The following RAB27A variants were observed in gnomAD, a reference collection of about 807,000 sequenced individuals.
RAB27A encodes the protein RAB27A, member RAS oncogene family, also known as ras-related protein Rab-27A.
Under a neutral mutation model 20.8 loss-of-function variants are expected in RAB27A, and 17 were observed. The observed-to-expected ratio is 0.82, with a 90% CI of 0.56 to 1.23. The LOEUF is 1.23. Among genes scored for constraint, RAB27A ranks in the 50% most tolerant of loss-of-function variants. The pLI is 0.00. For missense variants in RAB27A, 277 were observed against 266.7 expected, an observed-to-expected ratio of 1.04 and a Z score of -0.27; for synonymous variants, 85 against 92.8, an observed-to-expected ratio of 0.92 and a Z score of 0.48.
upstream of RAB27A, among the ~76,000 whole-genome samples, chr15:55,292,673 T>C (rs560417078): frequency 1.3e-5 from 2 of 152,272 alleles, no homozygotes; most frequent in South Asian, 2.1e-4. Context: ...AAATAGGCCA[T>C]AGTGATGAGT....
intron 2 of RAB27A, among the ~76,000 whole-genome samples, chr15:55,303,033 T>G (rs1329116698): frequency 1.3e-4 from 14 of 106,346 alleles, no homozygotes; most frequent in Admixed American, 4.7e-4. Context: ...GGGAGGGAGG[T>G]GGGGGATCAG....
rs71297648 is a variant in RAB27A, at chr15:55,280,503, T to TTATATATATA, written c.-143+9203_-143+9212dup. On this transcript the variant is annotated intron_variant, in intron 1 of 6. Coordinates refer to ENST00000336787, the MANE Select transcript of RAB27A (RefSeq NM_183235.3). ...TGTTGTTGTTTCTTGTGGGTATGGTTTATATATATATATATATATATATAC... is the reference window on the plus strand; with the variant it reads ...TGTTGTTGTTTCTTGTGGGTATGGTTTATATATATATATATATATATATATATATATATAC... Among the ~76,000 whole-genome samples, 585 of 137,920 alleles carry TTATATATATA rather than the reference T, an allele frequency of 4.2e-3. 4 individuals carry two copies. Among genetic ancestry groups the TTATATATATA allele is most frequent in the Middle Eastern group, 0.011 (3 of 274 alleles). The allele number at this position is 137,920 out of a possible 152,430, so 90.5% of individuals were successfully genotyped here.
chr15:55,261,323 G>C (rs1251819622), intron 2 of RAB27A, among the ~76,000 whole-genome samples: 4 of 151,902 alleles, frequency 2.6e-5, no homozygotes, highest in African/African-American at 9.7e-5. Flanking sequence ...CTGGAACCCG[G>C]GCAGCAGAGG....
intron 2 of RAB27A, among the ~76,000 whole-genome samples, chr15:55,249,589 G>C (rs1896813819): frequency 6.6e-6 from 1 of 152,136 alleles, no homozygotes. Flanking sequence ...GCTGAATTAA[G>C]TTTTATAAAT....
intron 2 of RAB27A, among the ~76,000 whole-genome samples, chr15:55,237,764 T>C (rs972961953): frequency 2.6e-5 from 4 of 152,162 alleles, no homozygotes; most frequent in Non-Finnish European, 4.4e-5. Context: ...GTGAGAATGA[T>C]GCAAGAAGAC....
Position 55,264,477 on chromosome 15 carries a change from G to C in RAB27A, c.-23+5688C>G, listed in dbSNP as rs1897389887. ...TTAACAGAAATTTTAAGCTGTTTTAGAGAAAAATAAACTTGGCTCAAATGA... is the reference window on the plus strand; with the variant it reads ...TTAACAGAAATTTTAAGCTGTTTTACAGAAAAATAAACTTGGCTCAAATGA... On this transcript the variant is annotated intron_variant, in intron 2 of 6. Transcript: ENST00000336787. 7.2e-5 allele frequency among the ~76,000 whole-genome samples: 11 copies of C among 152,082 alleles called. 1 individual carries two copies. The South Asian group carries it at 2.3e-3, about 31-fold the overall frequency.
At chr15:55,309,037 C>T (rs2055009398) in intron 2 of RAB27A, among the ~76,000 whole-genome samples, 3 of 152,278 alleles carry the variant, frequency 2.0e-5, no homozygotes, top group Admixed American at 1.3e-4. Flanking sequence ...CTTGCCCCAT[C>T]GGCAAGCTTA....
In RAB27A at chr15:55,285,363, T is replaced by C. The variant is rs550293075; in HGVS notation, c.-143+4353A>G. On this transcript the variant is annotated intron_variant, in intron 1 of 6. Transcript: ENST00000336787. Reference sequence around the variant, plus strand: ...GGAACAAAACTTTCAGCATTCCTCGTAAGAGAGGCATCTAATTTTACTTGA... The same window carrying C: ...GGAACAAAACTTTCAGCATTCCTCGCAAGAGAGGCATCTAATTTTACTTGA... Among the ~76,000 whole-genome samples, 313 of 149,352 alleles carry C rather than the reference T, an allele frequency of 2.1e-3. 3 individuals are homozygous for C. Among genetic ancestry groups the C allele is most frequent in the African/African-American group, 7.3e-3 (297 of 40,766 alleles).
intron 2 of RAB27A, among the ~76,000 whole-genome samples, chr15:55,313,139 A>G (rs1263637794): frequency 1.3e-5 from 2 of 152,214 alleles, no homozygotes; most frequent in African/African-American, 4.8e-5. Flanking sequence ...AATCTTGCCA[A>G]GCACAGTGGC....
intron 2 of RAB27A, among the ~76,000 whole-genome samples, chr15:55,297,276 G>C (rs78525288): frequency 0.031 from 4,676 of 152,310 alleles, 82 homozygotes; most frequent in Non-Finnish European, 0.041. Context: ...AAAGAAATAC[G>C]TGCATGTGTG....
At chr15:55,304,228 G>A (rs2054988020) in intron 2 of RAB27A, among the ~76,000 whole-genome samples, 3 of 151,332 alleles carry the variant, frequency 2.0e-5, no homozygotes, top group South Asian at 4.2e-4. Flanking sequence ...TAAGGGCGGT[G>A]CAAGATGTGC....
chr15:55,257,722 G>C (rs1371669581), intron 2 of RAB27A, among the ~76,000 whole-genome samples: 1 of 152,210 alleles, frequency 6.6e-6, no homozygotes, highest in African/African-American at 2.4e-5. Context: ...GCTGGGCATG[G>C]TGGCTCACGC....
At chr15:55,305,087 CTGAT>C (rs1566941006) in intron 2 of RAB27A, among the ~76,000 whole-genome samples, 1 of 152,094 alleles carries the variant, frequency 6.6e-6, no homozygotes, top group Non-Finnish European at 1.5e-5. Context: ...TCTTTACTAC[CTGAT>C]TGGTCAGGTG....
chr15:55,290,910 T>A (rs1392643574), upstream of RAB27A, among the ~76,000 whole-genome samples: 1 of 152,254 alleles, frequency 6.6e-6, no homozygotes, highest in Non-Finnish European at 1.5e-5. Flanking sequence ...GACTTGTGTC[T>A]ACCTCCACCG....
intron 2 of RAB27A, among the ~76,000 whole-genome samples, chr15:55,300,122 T>A (rs930563035): frequency 6.6e-6 from 1 of 151,932 alleles, no homozygotes; most frequent in South Asian, 2.1e-4. Flanking sequence ...GCCTGGCCAA[T>A]CCTAATTTCT....
At chr15:55,263,416 A>C (rs1290515242) in intron 2 of RAB27A, among the ~76,000 whole-genome samples, 2 of 152,154 alleles carry the variant, frequency 1.3e-5, no homozygotes, top group African/African-American at 4.8e-5. Flanking sequence ...TCACTAGAGG[A>C]AGAATTATAG....
intron 1 of RAB27A, among the ~76,000 whole-genome samples, chr15:55,287,437 G>A (rs2141131760): frequency 1.3e-5 from 2 of 152,286 alleles, no homozygotes; most frequent in South Asian, 4.1e-4. Context: ...AATAGAAATT[G>A]AGAAGCTGAC....
At chr15:55,263,648 C>T (rs1198439701) in intron 2 of RAB27A, among the ~76,000 whole-genome samples, 1 of 152,176 alleles carries the variant, frequency 6.6e-6, no homozygotes, top group Non-Finnish European at 1.5e-5. Context: ...TGTAATTCAA[C>T]ACTGTATGTT....
intron 2 of RAB27A, among the ~76,000 whole-genome samples, chr15:55,303,420 G>C (rs1157500535): frequency 5.4e-5 from 3 of 55,736 alleles, no homozygotes. Flanking sequence ...CAGCCGCCCC[G>C]TCCGGGAGGG....
Sources: allele counts gnomAD v4.1 joint callset (sites outside exome capture counted in the v4.1 genomes callset), GRCh38; gene constraint gnomAD v4.1.1; transcripts MANE v1.5; gene names NCBI Gene and HGNC (gene_info 2026-07-23, HGNC 2026-07-21).